The following LRP1B variants were observed in gnomAD, a reference collection of about 807,000 sequenced individuals.
LRP1B encodes the protein low-density lipoprotein receptor-related protein 1B.
LRP1B carries 217 observed loss-of-function variants against 556.6 expected under a neutral mutation model. That is an observed-to-expected ratio of 0.39 (90% CI 0.35 to 0.44). LRP1B has a LOEUF of 0.44. LRP1B is among the 20% of genes least tolerant of loss of function. The pLI is 1.00. For missense variants in LRP1B, 5,053 were observed against 5,620.8 expected, an observed-to-expected ratio of 0.90 and a Z score of 3.23; for synonymous variants, 2,047 against 1,865.8, an observed-to-expected ratio of 1.10 and a Z score of -2.50.
intron 1 of LRP1B, among the ~76,000 whole-genome samples, chr2:141,856,748 C>CATA (rs1698065195): frequency 6.6e-6 from 1 of 152,060 alleles, no homozygotes; most frequent in African/African-American, 2.4e-5. Flanking sequence ...ACAGCAGCAC[C>CATA]ATAATGCAGA....
At chr2:141,595,743 T>C (rs1228853989) in intron 2 of LRP1B, among the ~76,000 whole-genome samples, 3 of 152,058 alleles carry the variant, frequency 2.0e-5, no homozygotes. Flanking sequence ...ATCACAAGCA[T>C]TGGAGGAACT....
intron 2 of LRP1B, among the ~76,000 whole-genome samples, chr2:141,774,594 T>C (rs1038846532): frequency 9.9e-5 from 15 of 152,148 alleles, no homozygotes; most frequent in Non-Finnish European, 2.1e-4. Context: ...ACATAATAAA[T>C]ATAGTATAGT....
intron 7 of LRP1B, among the ~76,000 whole-genome samples, chr2:141,109,243 A>T (rs10439182): frequency 0.36 from 54,857 of 151,920 alleles, 10,408 homozygotes; most frequent in East Asian, 0.66. Flanking sequence ...TGCAAAATTC[A>T]AGCCTCCAAA....
chr2:140,869,042 C>T (rs1251583833), intron 25 of LRP1B, among the ~76,000 whole-genome samples: 1 of 152,020 alleles, frequency 6.6e-6, no homozygotes, highest in Non-Finnish European at 1.5e-5. Context: ...CTTACCCACT[C>T]TCTCTTAATT....
chr2:140,904,726 C>T (rs1001072162), intron 22 of LRP1B, among the ~76,000 whole-genome samples: 1 of 152,084 alleles, frequency 6.6e-6, no homozygotes, highest in Non-Finnish European at 1.5e-5. Context: ...TGTTTGTTCA[C>T]CCATAATCAT....
Position 140,837,807 on chromosome 2 carries a change from G to C in LRP1B, c.5209+2184C>G, listed in dbSNP as rs544865344. 3.4e-5 allele frequency among the ~76,000 whole-genome samples: 5 copies of C among 148,002 alleles called. No homozygotes were observed. The East Asian group carries it at 6.4e-4, about 19-fold the overall frequency. ...GGGGACTGTTGTGGGGTGGGGGGAG[G>C]GGGGAAGGATAACATTTGGAGATAT... On this transcript the variant is annotated intron_variant, in intron 31 of 90. Coordinates refer to ENST00000389484, the MANE Select transcript of LRP1B (RefSeq NM_018557.3).
At chr2:141,605,394 A>G (rs1687883780) in intron 2 of LRP1B, among the ~76,000 whole-genome samples, 1 of 151,960 alleles carries the variant, frequency 6.6e-6, no homozygotes, top group Non-Finnish European at 1.5e-5. Flanking sequence ...TTTTTTTGAA[A>G]AAGGTCCTAT....
At chr2:142,120,860 TATAAA>T (rs1296046509) in intron 1 of LRP1B, among the ~76,000 whole-genome samples, 3 of 152,156 alleles carry the variant, frequency 2.0e-5, no homozygotes, top group African/African-American at 4.8e-5. Context: ...AATTCTGAAA[TATAAA>T]AGAAAAAGCA....
At position 141,715,694 on chromosome 2, in the gene LRP1B, A is replaced by T. The variant is rs935361073; in HGVS notation, c.205+94585T>A. 9.2e-5 allele frequency among the ~76,000 whole-genome samples: 14 copies of T among 151,492 alleles called. 1 individual carries two copies. The highest frequency in any genetic ancestry group is 3.4e-4 in the African/African-American group (14 of 41,228). ...GCTGGGCATTGTGGTGGGTGCCTAT[A>T]ATCCCAGCTACTCAGGAGGCTGAGG... On this transcript the variant is annotated intron_variant, in intron 2 of 90. Transcript: ENST00000389484.
Position 141,544,316 on chromosome 2 carries a change from C to CTTCTTCTTCTTCTTCTTCTTCTT in LRP1B, c.206-63806_206-63784dup, listed in dbSNP as rs1559130891. ...TACCACTCTTCTTCTTCTTCTTCTT[C>CTTCTTCTTCTTCTTCTTCTTCTT]TTCTTCTTCTTCTTCTTCTTCTTCT... On this transcript the variant is annotated intron_variant, in intron 2 of 90. Transcript: ENST00000389484. 1.5e-3 allele frequency among the ~76,000 whole-genome samples: 51 copies of CTTCTTCTTCTTCTTCTTCTTCTT among 34,562 alleles called. 1 individual carries two copies. Among genetic ancestry groups the CTTCTTCTTCTTCTTCTTCTTCTT allele is most frequent in the South Asian group, 6.6e-3 (3 of 452 alleles). 22.7% of individuals were successfully genotyped at this position (34,562 alleles called of 152,430 possible).
intron 66 of LRP1B, among the ~76,000 whole-genome samples, chr2:140,400,429 T>C (rs1027377096): frequency 2.0e-5 from 3 of 152,192 alleles, no homozygotes; most frequent in Non-Finnish European, 2.9e-5. Flanking sequence ...GTACCCTCTA[T>C]TGGGTTTCTT....
Position 140,462,547 on chromosome 2 carries a change from G to A in LRP1B, c.9626-4896C>T, listed in dbSNP as rs78073477. On this transcript the variant is annotated intron_variant, in intron 60 of 90. Transcript: ENST00000389484. ...AAATCATTATAGTTGAGCGTAGATG[G>A]AAAGGGGATGAATAAATATTCTGAC... Among the ~76,000 whole-genome samples the A allele has an allele frequency of 5.5e-3, 834 of 152,288 alleles. 6 individuals carry two copies. Among genetic ancestry groups the A allele is most frequent in the Middle Eastern group, 0.048 (14 of 294 alleles).
At chr2:140,684,718 A>G (rs1375820441) in intron 41 of LRP1B, among the ~76,000 whole-genome samples, 1 of 152,192 alleles carries the variant, frequency 6.6e-6, no homozygotes, top group East Asian at 1.9e-4. Context: ...ACATTCTTGT[A>G]TTTCTAATGC....
At chr2:141,689,885 A>T (rs894045463) in intron 2 of LRP1B, among the ~76,000 whole-genome samples, 1 of 151,830 alleles carries the variant, frequency 6.6e-6, no homozygotes, top group Admixed American at 6.6e-5. Context: ...GTATAAAAAG[A>T]CTGATTGAAA....
At chr2:141,076,794 G>A (rs953118652) in intron 7 of LRP1B, among the ~76,000 whole-genome samples, 1 of 152,132 alleles carries the variant, frequency 6.6e-6, no homozygotes, top group Non-Finnish European at 1.5e-5. Flanking sequence ...CACCTCTAGA[G>A]AAAATACAAA....
chr2:140,592,096 T>C (rs115497693), intron 43 of LRP1B, among the ~76,000 whole-genome samples: 6,185 of 152,284 alleles, frequency 0.041, 176 homozygotes, highest in Middle Eastern at 0.082. Flanking sequence ...GTATCATTCA[T>C]TGTAAATTAC....
chr2:140,239,753 G>T (rs1680868819), intron 87 of LRP1B, among the ~76,000 whole-genome samples: 1 of 150,780 alleles, frequency 6.6e-6, no homozygotes. Context: ...TCATTTATGT[G>T]TTGCATTTAA....
chr2:141,661,250 A>G (rs773954738), intron 2 of LRP1B, among the ~76,000 whole-genome samples: 1 of 152,162 alleles, frequency 6.6e-6, no homozygotes, highest in Non-Finnish European at 1.5e-5. Flanking sequence ...CTGAAAACTC[A>G]AAAAGCCAGA....
intron 1 of LRP1B, among the ~76,000 whole-genome samples, chr2:141,927,508 AT>A (rs1700366223): frequency 6.6e-6 from 1 of 152,020 alleles, no homozygotes. Flanking sequence ...ACATTCATTG[AT>A]TTTGCTACTC....
Sources: gnomAD v4.1 joint callset for allele counts (sites outside exome capture counted in the v4.1 genomes callset) on GRCh38, gnomAD v4.1.1 for gene constraint, MANE v1.5 for transcripts, NCBI Gene and HGNC (gene_info 2026-07-23, HGNC 2026-07-21) for gene names.